Variants in ARMC8 observed in about 807,000 individuals in gnomAD.
ARMC8 encodes the protein armadillo repeat-containing protein 8.
Under a neutral mutation model 99.3 loss-of-function variants are expected in ARMC8, and 20 were observed. The observed-to-expected ratio is 0.20, with a 90% CI of 0.14 to 0.29. The LOEUF (loss-of-function observed/expected upper bound fraction) is 0.29, where lower values mean the gene tolerates loss of function less well. ARMC8 is among the 10% of genes least tolerant of loss of function. The probability of loss-of-function intolerance (pLI) is 1.00; values close to 1 mark genes in which losing one functional copy is unlikely to be tolerated. For missense variants in ARMC8, 569 were observed against 809.5 expected (o/e 0.70, Z 3.60); for synonymous variants, 263 against 278.3 (o/e 0.95, Z 0.55).
In ARMC8 at chr3:138,228,817, T is replaced by TAAGATAAGAGAAATACAGC. The variant is rs1021957630; in HGVS notation, c.436-90_436-89insAATACAGCAAGATAAGAGA. The TAAGATAAGAGAAATACAGC allele has an allele frequency of 5.6e-6, 4 of 712,614 alleles. No homozygotes were observed. The African/African-American group carries it at 7.2e-5, about 13-fold the overall frequency. 44.1% of individuals were successfully genotyped at this position (712,614 alleles called of 1,614,324 possible). A position where few individuals can be genotyped will look rare whatever the true frequency, so the allele number is the denominator to read the frequency against. ...TTAAGGAGACTTGATTGACTGTCATTAAGATAAGAGATTTGACTACCTTCT... is the reference window on the plus strand; with the variant it reads ...TTAAGGAGACTTGATTGACTGTCATTAAGATAAGAGAAATACAGCAAGATAAGAGATTTGACTACCTTCT... On this transcript the variant is annotated intron_variant, in intron 5 of 21. Transcript: ENST00000469044.
chr3:138,293,715 C>A (rs2051206144), intron 21 of ARMC8, among the ~76,000 whole-genome samples: 1 of 152,142 alleles, frequency 6.6e-6, no homozygotes, highest in Admixed American at 6.5e-5. Context: ...GCTCTGTCAG[C>A]CCATCTTTTC....
chr3:138,210,039 C>T (rs2044606542), intron 2 of ARMC8, 146 bp downstream of exon 2: 2 of 526,024 alleles, frequency 3.8e-6, no homozygotes, highest in Non-Finnish European at 6.7e-6. Flanking sequence ...ACATTCATGA[C>T]GTTTAATATT....
At chr3:138,194,225 A>G (rs994549863) in intron 1 of ARMC8, among the ~76,000 whole-genome samples, 7 of 149,896 alleles carry the variant, frequency 4.7e-5, no homozygotes, top group African/African-American at 1.7e-4. Context: ...TGTATTTTTT[A>G]GTAGAGACAG....
At chr3:138,290,209 C>A (rs1210414099) in intron 20 of ARMC8, among the ~76,000 whole-genome samples, 1 of 152,120 alleles carries the variant, frequency 6.6e-6, no homozygotes, top group Non-Finnish European at 1.5e-5. Context: ...ATGGGTATGT[C>A]CTGAAAGAAG....
intron 1 of ARMC8, among the ~76,000 whole-genome samples, chr3:138,199,727 TAAAG>T (rs1263193285): frequency 6.6e-6 from 1 of 152,226 alleles, no homozygotes; most frequent in African/African-American, 2.4e-5. Context: ...ATGCTGCTTT[TAAAG>T]TATTGGTGTC....
At chr3:138,262,612 AATT>A in intron 12 of ARMC8, 1 of 1,558,984 alleles carries the variant, frequency 6.4e-7, no homozygotes, top group Non-Finnish European at 8.7e-7. Flanking sequence ...AAAAAAAAAA[AATT>A]TAGGTGCCTA....
chr3:138,199,747 T>C (rs2043943517), intron 1 of ARMC8, among the ~76,000 whole-genome samples: 2 of 152,246 alleles, frequency 1.3e-5, no homozygotes, highest in Admixed American at 1.3e-4. Flanking sequence ...GTGTCTGATA[T>C]TCTGTATTGT....
intron 7 of ARMC8, 117 bp from the exon 8 acceptor site, chr3:138,237,192 C>A: frequency 2.5e-6 from 2 of 813,824 alleles, no homozygotes; most frequent in Non-Finnish European, 2.0e-6. Context: ...TTCTTTGAGG[C>A]CTGTTAGTAT....
At chr3:138,269,324 A>C (rs2048564745) in intron 15 of ARMC8, among the ~76,000 whole-genome samples, 1 of 152,192 alleles carries the variant, frequency 6.6e-6, no homozygotes, top group African/African-American at 2.4e-5. Context: ...CGGTGATGGT[A>C]AATCTTAATC....
intron 12 of ARMC8, among the ~76,000 whole-genome samples, chr3:138,247,813 A>T (rs997315389): frequency 6.6e-6 from 1 of 152,228 alleles, no homozygotes; most frequent in African/African-American, 2.4e-5. Context: ...CTTGTAGATC[A>T]GAGATTTACC....
At chr3:138,257,210 C>G (rs1044000072) in intron 12 of ARMC8, among the ~76,000 whole-genome samples, 1 of 152,182 alleles carries the variant, frequency 6.6e-6, no homozygotes, top group African/African-American at 2.4e-5. Flanking sequence ...TGCAACTGCC[C>G]TTACTTGATT....
chr3:138,245,202 C>T lies in ARMC8; in HGVS notation c.1134+19C>T, dbSNP rs1220646331. Reference sequence around the variant, plus strand: ...GAAGAAGGTGAGTCTGGGAGAGGGGCGTCCCCCAGTCCTGACAGCCAGCAG... The same window carrying T: ...GAAGAAGGTGAGTCTGGGAGAGGGGTGTCCCCCAGTCCTGACAGCCAGCAG... On this transcript the variant is annotated intron_variant, in intron 12 of 21. Coordinates refer to ENST00000469044, the MANE Select transcript of ARMC8 (RefSeq NM_001363941.2). 8 of 1,614,052 alleles carry T rather than the reference C, an allele frequency of 5.0e-6. No individual in the cohort carries two copies. The highest frequency in any genetic ancestry group is 1.6e-4 in the Middle Eastern group (1 of 6,084).
chr3:138,235,059 T>G lies in ARMC8; in HGVS notation c.554T>G (p.Phe185Cys). 6.2e-7 allele frequency: 1 copy of G among 1,613,976 alleles called. No individual in the cohort carries two copies. ...CKGPDHQTIL[F>C]NHGAVQNIAH... ...GGGCCAGATCATCAAACAATTTTAT[T>G]TAACCACGGTGCAGTTCAGAATATT... The change falls in exon 7 of 22, where the codon TTT becomes TGT. Residue 185 changes from phenylalanine to cysteine, a missense_variant. Physicochemically the swap from Phe to Cys is radical, Grantham distance 205 (BLOSUM62 -2). Coordinates refer to ENST00000469044, the MANE Select transcript of ARMC8 (RefSeq NM_001363941.2).
At chr3:138,192,790 CT>C (rs1159750155) in intron 1 of ARMC8, among the ~76,000 whole-genome samples, 1 of 152,076 alleles carries the variant, frequency 6.6e-6, no homozygotes, top group Admixed American at 6.6e-5. Context: ...CCAGCTCAGC[CT>C]TTCAAAGTGT....
chr3:138,212,168 T>C (rs2044731993), intron 2 of ARMC8, among the ~76,000 whole-genome samples: 1 of 152,194 alleles, frequency 6.6e-6, no homozygotes, highest in Non-Finnish European at 1.5e-5. Context: ...TGTGATTTGA[T>C]AAAGCTTCCT....
chr3:138,229,043 A>G, intron 6 of ARMC8, 33 bp downstream of exon 6: 1 of 1,510,050 alleles, frequency 6.6e-7, no homozygotes, highest in African/African-American at 1.4e-5. Flanking sequence ...TCTATAATGT[A>G]AAATCTTATT....
At chr3:138,255,364 G>A (rs1331877090) in intron 12 of ARMC8, among the ~76,000 whole-genome samples, 1 of 151,658 alleles carries the variant, frequency 6.6e-6, no homozygotes, top group Non-Finnish European at 1.5e-5. Flanking sequence ...AACCACACCC[G>A]GCTAATTTTT....
Position 138,296,077 on chromosome 3 carries a change from T to C in ARMC8, c.*185T>C. On this transcript the variant is annotated 3_prime_UTR_variant, in exon 22 of 22. Coordinates refer to ENST00000469044, the MANE Select transcript of ARMC8 (RefSeq NM_001363941.2). ...GAGAACATTTTTTTGAGGTAGTAAT[T>C]TCCTCAGAAGACTCTTGTGTTTTGT... The C allele has an allele frequency of 1.9e-6, 1 of 532,006 alleles. No homozygotes were observed. The highest frequency in any genetic ancestry group is 3.2e-6 in the Non-Finnish European group (1 of 309,212). 33.0% of individuals were successfully genotyped at this position (532,006 alleles called of 1,614,324 possible).
At chr3:138,195,978 A>G (rs1177012703) in intron 1 of ARMC8, among the ~76,000 whole-genome samples, 2 of 152,206 alleles carry the variant, frequency 1.3e-5, no homozygotes, top group African/African-American at 4.8e-5. Context: ...AAACAGTGTA[A>G]GGCTTTATAT....
Sources: allele counts gnomAD v4.1 joint callset (sites outside exome capture counted in the v4.1 genomes callset), GRCh38; gene constraint gnomAD v4.1.1; transcripts MANE v1.5; gene names NCBI Gene and HGNC (gene_info 2026-07-23, HGNC 2026-07-21).